ASAP1: variants seen among roughly 807,000 people sequenced by gnomAD.
The protein encoded by ASAP1 is ArfGAP with SH3 domain, ankyrin repeat and PH domain 1.
A neutral mutation model predicts 145.2 loss-of-function variants in ASAP1; 43 were observed. The ratio of observed to expected loss-of-function variants is 0.30; its 90% CI spans 0.23 to 0.38. ASAP1 has a LOEUF of 0.38. Among genes scored for constraint, ASAP1 ranks in the 10% least tolerant of loss-of-function variants. The pLI is 1.00. For synonymous variants in ASAP1, 546 were observed against 515.5 expected (o/e 1.06, Z -0.80); for missense variants, 1,018 against 1,355.3 (o/e 0.75, Z 3.91).
At chr8:130,414,256 T>C (rs1364706712) in intron 1 of ASAP1, among the ~76,000 whole-genome samples, 3 of 152,228 alleles carry the variant, frequency 2.0e-5, no homozygotes, top group East Asian at 3.8e-4. Context: ...CAAGGCACAA[T>C]GACGATACTT....
intron 3 of ASAP1, among the ~76,000 whole-genome samples, chr8:130,319,671 G>A (rs1258498215): frequency 2.0e-5 from 3 of 152,114 alleles, no homozygotes; most frequent in African/African-American, 7.2e-5. Flanking sequence ...ATCCCTTCCT[G>A]GGAATCATCA....
intron 3 of ASAP1, among the ~76,000 whole-genome samples, chr8:130,271,263 G>C (rs887721005): frequency 3.3e-5 from 5 of 152,182 alleles, no homozygotes; most frequent in Admixed American, 1.3e-4. Flanking sequence ...TTCAGCACGT[G>C]TCATGTTAAA....
intron 2 of ASAP1, among the ~76,000 whole-genome samples, chr8:130,381,434 C>T (rs1827764607): frequency 6.7e-6 from 1 of 150,064 alleles, no homozygotes; most frequent in South Asian, 2.2e-4. Context: ...CATACAAAGT[C>T]TTTGAAAACA....
At chr8:130,150,681 C>G (rs1487001925) in intron 13 of ASAP1, among the ~76,000 whole-genome samples, 3 of 151,902 alleles carry the variant, frequency 2.0e-5, no homozygotes, top group African/African-American at 7.3e-5. Context: ...GAGCTTGAGA[C>G]CAGCTGGGCA....
At chr8:130,097,161 A>AG (rs2097520052) in intron 24 of ASAP1, among the ~76,000 whole-genome samples, 7 of 127,800 alleles carry the variant, frequency 5.5e-5, no homozygotes, top group Admixed American at 8.1e-5. Context: ...AAAAAAAAAA[A>AG]GTCCTTGAAA....
chr8:130,365,325 C>A (rs934254859), intron 2 of ASAP1, among the ~76,000 whole-genome samples: 3 of 152,198 alleles, frequency 2.0e-5, no homozygotes, highest in Non-Finnish European at 4.4e-5. Flanking sequence ...AAAGCACTGC[C>A]TAGTTGGGGT....
At chr8:130,303,576 A>G (rs1413622798) in intron 3 of ASAP1, among the ~76,000 whole-genome samples, 2 of 152,148 alleles carry the variant, frequency 1.3e-5, no homozygotes, top group Non-Finnish European at 2.9e-5. Context: ...TTATTTTTAT[A>G]TTATTATATA....
At chr8:130,070,051 T>G (rs2097439181) in intron 27 of ASAP1, among the ~76,000 whole-genome samples, 1 of 152,226 alleles carries the variant, frequency 6.6e-6, no homozygotes, top group African/African-American at 2.4e-5. Context: ...TTTTTTTTGT[T>G]TTTGAGACGG....
In ASAP1 at chr8:130,118,696, G is replaced by C. The variant is rs564126570; in HGVS notation, c.1608-21C>G. On this transcript the variant is annotated intron_variant, in intron 18 of 29. Coordinates refer to ENST00000518721, the MANE Select transcript of ASAP1 (RefSeq NM_018482.4). ...CAGTCCTAAAACAGAACAAAATAAAGAATTTTTATTTTCCAAGTGCTAGGA... is the reference window on the plus strand; with the variant it reads ...CAGTCCTAAAACAGAACAAAATAAACAATTTTTATTTTCCAAGTGCTAGGA... The C allele has an allele frequency of 7.8e-6, 11 of 1,403,824 alleles. No individual in the cohort carries two copies. In the South Asian group the frequency reaches 1.2e-4, roughly 16 times the overall value. The allele number at this position is 1,403,824 out of a possible 1,614,324, so 87.0% of individuals were successfully genotyped here. A position where few individuals can be genotyped will look rare whatever the true frequency, so the allele number is the denominator to read the frequency against.
chr8:130,070,048 TG>T (rs1340013353), intron 27 of ASAP1, among the ~76,000 whole-genome samples: 1 of 152,132 alleles, frequency 6.6e-6, no homozygotes, highest in Non-Finnish European at 1.5e-5. Context: ...TCTTTTTTTT[TG>T]TTTTTGAGAC....
Position 130,419,668 on chromosome 8 carries a change from A to C in ASAP1, c.-27-17698T>G, listed in dbSNP as rs557329973. 9.2e-5 allele frequency among the ~76,000 whole-genome samples: 14 copies of C among 152,062 alleles called. No homozygotes were observed. In the South Asian group the frequency reaches 2.9e-3, roughly 32 times the overall value. On this transcript the variant is annotated intron_variant, in intron 1 of 29. Transcript: ENST00000518721. The stretch of plus-strand genomic sequence containing the variant: ...CAAGGGCTTGCTCCTCCTCTGCTAC[A>C]GGGTGGTTTCAGCAACAGGGAGCCC...
intron 3 of ASAP1, among the ~76,000 whole-genome samples, chr8:130,356,950 G>T (rs1189192454): frequency 2.0e-5 from 3 of 152,104 alleles, no homozygotes; most frequent in Non-Finnish European, 1.5e-5. Context: ...CCCACCCAGG[G>T]AAAACCATCT....
At chr8:130,279,828 G>C (rs1225579688) in intron 3 of ASAP1, among the ~76,000 whole-genome samples, 1 of 152,146 alleles carries the variant, frequency 6.6e-6, no homozygotes, top group African/African-American at 2.4e-5. Flanking sequence ...AAATAGTTAG[G>C]GGCGTCCATA....
At chr8:130,377,300 G>A (rs1194988009) in intron 2 of ASAP1, among the ~76,000 whole-genome samples, 2 of 152,082 alleles carry the variant, frequency 1.3e-5, no homozygotes, top group Non-Finnish European at 2.9e-5. Context: ...GGTGATGGGT[G>A]CACCAAAAGC....
chr8:130,182,175 C>T (rs1814399430), intron 7 of ASAP1, among the ~76,000 whole-genome samples: 1 of 152,208 alleles, frequency 6.6e-6, no homozygotes, highest in African/African-American at 2.4e-5. Context: ...TATGGAGGGA[C>T]AGGCATAACT....
chr8:130,119,446 A>C (rs2097561997), intron 18 of ASAP1, among the ~76,000 whole-genome samples: 1 of 152,174 alleles, frequency 6.6e-6, no homozygotes, highest in Non-Finnish European at 1.5e-5. Context: ...TTCTTGAGGA[A>C]TTGCCTTCTT....
At chr8:130,078,356 G>T (rs1420405348) in intron 26 of ASAP1, among the ~76,000 whole-genome samples, 3 of 151,972 alleles carry the variant, frequency 2.0e-5, no homozygotes, top group Non-Finnish European at 2.9e-5. Context: ...GTGCAGAGGT[G>T]CGATCATGAC....
At chr8:130,401,464 C>T (rs1342124019) in intron 2 of ASAP1, among the ~76,000 whole-genome samples, 1 of 152,090 alleles carries the variant, frequency 6.6e-6, no homozygotes, top group South Asian at 2.1e-4. Context: ...AGGCTGGTTT[C>T]GAGCTCCTGA....
chr8:130,110,592 G>GT, intron 24 of ASAP1, among the ~76,000 whole-genome samples: 1 of 152,292 alleles, frequency 6.6e-6, no homozygotes, highest in African/African-American at 2.4e-5. Context: ...GTATGGAATG[G>GT]TAAGAAAACA....
Sources: allele counts gnomAD v4.1 joint callset (sites outside exome capture counted in the v4.1 genomes callset), GRCh38; gene constraint gnomAD v4.1.1; transcripts MANE v1.5; gene names NCBI Gene and HGNC (gene_info 2026-07-23, HGNC 2026-07-21).